CD109: variants seen among roughly 807,000 people sequenced by gnomAD.
CD109 encodes the protein CD109 molecule, also known as CD109 antigen.
A neutral mutation model predicts 165.8 loss-of-function variants in CD109; 149 were observed. The ratio of observed to expected loss-of-function variants is 0.90; its 90% CI spans 0.79 to 1.03. CD109 has a LOEUF of 1.03. CD109 is among the 50% of genes least tolerant of loss of function. CD109 has a pLI of 0.00. For missense variants in CD109, 1,712 were observed against 1,677.8 expected, an observed-to-expected ratio of 1.02 and a Z score of -0.36; for synonymous variants, 585 against 592.1, an observed-to-expected ratio of 0.99 and a Z score of 0.18.
chr6:73,802,240 C>G (rs1169415605), intron 23 of CD109, among the ~76,000 whole-genome samples: 1 of 145,420 alleles, frequency 6.9e-6, no homozygotes, highest in Non-Finnish European at 1.5e-5. Context: ...TTCATTGCCA[C>G]CACTGAGCAT....
intron 29 of CD109, among the ~76,000 whole-genome samples, chr6:73,812,479 T>C (rs530321088): frequency 6.6e-6 from 1 of 152,272 alleles, no homozygotes; most frequent in Non-Finnish European, 1.5e-5. Flanking sequence ...ATTGATTTTC[T>C]GTTTGAAAAG....
intron 15 of CD109, among the ~76,000 whole-genome samples, chr6:73,774,835 G>A (rs1582138075): frequency 6.6e-6 from 1 of 152,018 alleles, no homozygotes; most frequent in Non-Finnish European, 1.5e-5. Flanking sequence ...CTCTTCCTGG[G>A]GTTTTCTCAC....
In CD109 at chr6:73,783,799, T is replaced by C; in HGVS notation, c.2198T>C (p.Leu733Pro). The change falls in exon 19 of 33, where the codon CTT (leucine) becomes CCT (proline). Residue 733 changes from leucine (L) to proline (P), a missense_variant. By Grantham distance (98) the Leu-to-Pro change is moderately conservative. Coordinates refer to ENST00000287097, the MANE Select transcript of CD109 (RefSeq NM_133493.5). ...TGFVISEDLG[L>P]GLTTTPVELQ... Reference sequence around the variant, plus strand: ...TTTGTGATCTCTGAGGACCTGGGTCTTGGACTAACAACTACTCCAGTGGAG... The same window carrying C: ...TTTGTGATCTCTGAGGACCTGGGTCCTGGACTAACAACTACTCCAGTGGAG... 1 of 1,606,828 alleles carries C rather than the reference T, an allele frequency of 6.2e-7. No homozygotes were observed. Among genetic ancestry groups the C allele is most frequent in the Non-Finnish European group, 8.5e-7 (1 of 1,173,638 alleles).
chr6:73,788,381 G>A (rs929959042), intron 21 of CD109, 87 bp from the exon 22 acceptor site: 1 of 1,186,952 alleles, frequency 8.4e-7, no homozygotes, highest in Non-Finnish European at 1.2e-6. Flanking sequence ...GACACAACAG[G>A]TCAGATGTTT....
At chr6:73,684,666 A>G in the CD109 span, among the ~76,000 whole-genome samples, 41 of 151,736 alleles carry the variant, frequency 2.7e-4, no homozygotes, top group African/African-American at 9.9e-4. Flanking sequence ...CTTTTGAGAA[A>G]TGTTTACTCA....
intron 2 of CD109, among the ~76,000 whole-genome samples, chr6:73,703,083 A>G (rs75951840): frequency 0.011 from 1,730 of 152,338 alleles, 31 homozygotes; most frequent in African/African-American, 0.036. Context: ...AGGTGAGGAA[A>G]TTGAGGCAAA....
At chr6:73,724,613 ATTTTTTTT>A (rs11386114) in intron 3 of CD109, among the ~76,000 whole-genome samples, 8 of 135,130 alleles carry the variant, frequency 5.9e-5, no homozygotes, top group African/African-American at 1.7e-4. Flanking sequence ...ATTACCTTAA[ATTTTTTTT>A]TTTTTTTTTT....
At chr6:73,707,095 T>G (rs1266509918) in intron 2 of CD109, among the ~76,000 whole-genome samples, 1 of 152,216 alleles carries the variant, frequency 6.6e-6, no homozygotes, top group Non-Finnish European at 1.5e-5. Context: ...TGATGTGTCC[T>G]CCCACGTTGA....
chr6:73,729,823 G>T (rs1772292541), intron 3 of CD109, among the ~76,000 whole-genome samples: 1 of 151,964 alleles, frequency 6.6e-6, no homozygotes, highest in African/African-American at 2.4e-5. Context: ...AAGGATTTCT[G>T]TTATTAATAG....
rs1773830255 is a variant in CD109 at position 73,766,044 on chromosome 6, G to A, written c.1222G>A (p.Gly408Arg). ...TGAGTACTGGAGCGGATCTAACAGTGGAAATCAGAAAATGGAAGCTGTTCA... is the reference window on the plus strand; with the variant it reads ...TGAGTACTGGAGCGGATCTAACAGTAGAAATCAGAAAATGGAAGCTGTTCA... ...YTEYWSGSNS[G>R]NQKMEAVQKI... The change falls in exon 11 of 33, where the codon GGA becomes AGA. Residue 408 changes from glycine to arginine, a missense_variant. Gly to Arg is a moderately radical substitution (Grantham distance 125). Coordinates refer to ENST00000287097, the MANE Select transcript of CD109 (RefSeq NM_133493.5). 2 of 1,613,748 alleles carry A rather than the reference G, an allele frequency of 1.2e-6. No homozygotes were observed. Among genetic ancestry groups the A allele is most frequent in the Non-Finnish European group, 8.5e-7 (1 of 1,179,858 alleles).
At chr6:73,773,960 A>T (rs572746359) in intron 15 of CD109, among the ~76,000 whole-genome samples, 1 of 151,816 alleles carries the variant, frequency 6.6e-6, no homozygotes, top group African/African-American at 2.4e-5. Context: ...TTTCTCTGGG[A>T]GAGTTCTTCA....
chr6:73,687,435 C>T, the CD109 span, among the ~76,000 whole-genome samples: 26 of 151,158 alleles, frequency 1.7e-4, no homozygotes, highest in African/African-American at 6.3e-4. Flanking sequence ...TCTCTCTTCC[C>T]TTCTTCCTTT....
intron 30 of CD109, 64 bp downstream of exon 30, chr6:73,815,187 A>T (rs1405742987): frequency 2.2e-6 from 3 of 1,363,058 alleles, no homozygotes; most frequent in African/African-American, 1.5e-5. Context: ...AGGTTTAATT[A>T]TGTATAGTTG....
chr6:73,739,550 A>T (rs74754731), intron 5 of CD109, among the ~76,000 whole-genome samples: 9,688 of 152,146 alleles, frequency 0.064, 402 homozygotes, highest in Non-Finnish European at 0.087. Flanking sequence ...GAAAATATTT[A>T]TTTTCAAGAA....
At chr6:73,797,143 C>T (rs1320127675) in intron 23 of CD109, among the ~76,000 whole-genome samples, 1 of 152,002 alleles carries the variant, frequency 6.6e-6, no homozygotes, top group African/African-American at 2.4e-5. Context: ...TTACTTAAAT[C>T]ATGCTTGGCC....
chr6:73,777,900 T>C (rs1774315860), intron 15 of CD109, among the ~76,000 whole-genome samples: 2 of 152,214 alleles, frequency 1.3e-5, no homozygotes, highest in African/African-American at 4.8e-5. Flanking sequence ...ATACGAGCTC[T>C]TTTTTGGTTC....
intron 26 of CD109, among the ~76,000 whole-genome samples, 173 bp from the exon 27 acceptor site, chr6:73,809,807 ATGTG>A (rs144331019): frequency 6.6e-6 from 1 of 152,008 alleles, no homozygotes; most frequent in Non-Finnish European, 1.5e-5. Flanking sequence ...ATACATATGT[ATGTG>A]TGTGTGTGTT....
At position 73,823,872 on chromosome 6, in the gene CD109, A is replaced by G. The variant is rs1776189946; in HGVS notation, c.*239A>G. ...TGTGTCTATATTTTCCCCTCTCAAA[A>G]TCTTTTAGAATTTTTTTGGAGGTGT... On this transcript the variant is annotated 3_prime_UTR_variant, in exon 33 of 33. Coordinates refer to ENST00000287097, the MANE Select transcript of CD109 (RefSeq NM_133493.5). 2.9e-6 allele frequency: 1 copy of G among 340,164 alleles called. No individual in the cohort carries two copies. Among genetic ancestry groups the G allele is most frequent in the East Asian group, 4.5e-5 (1 of 22,412 alleles). The allele number at this position is 340,164 out of a possible 1,614,324, so 21.1% of individuals were successfully genotyped here.
At chr6:73,796,395 C>G (rs1775166637) in intron 23 of CD109, among the ~76,000 whole-genome samples, 1 of 152,156 alleles carries the variant, frequency 6.6e-6, no homozygotes, top group African/African-American at 2.4e-5. Flanking sequence ...TCCTGGCATG[C>G]TTTCTCCCTA....
Sources: allele counts gnomAD v4.1 joint callset (sites outside exome capture counted in the v4.1 genomes callset), GRCh38; gene constraint gnomAD v4.1.1; transcripts MANE v1.5; gene names NCBI Gene and HGNC (gene_info 2026-07-23, HGNC 2026-07-21).